The following CUL2 variants were observed in gnomAD, a reference collection of about 807,000 sequenced individuals.
CUL2 encodes cullin-2.
A neutral mutation model predicts 110.2 loss-of-function variants in CUL2; 22 were observed. The ratio of observed to expected loss-of-function variants is 0.20; its 90% confidence interval spans 0.14 to 0.28. The LOEUF is 0.28. CUL2 is among the 10% of genes least tolerant of loss of function. The pLI is 1.00. For synonymous variants in CUL2, 279 were observed against 293.2 expected (o/e 0.95, Z 0.49); for missense variants, 631 against 905.5 (o/e 0.70, Z 3.89).
At chr10:35,037,804 C>T (rs1564712092) in intron 9 of CUL2, among the ~76,000 whole-genome samples, 1 of 152,110 alleles carries the variant, frequency 6.6e-6, no homozygotes, top group African/African-American at 2.4e-5. Context: ...GATCGCGCCA[C>T]TGCATTATAG....
intron 5 of CUL2, 48 bp downstream of exon 5, chr10:35,054,386 T>G (rs2086192193): frequency 2.0e-6 from 2 of 993,504 alleles, no homozygotes; most frequent in Non-Finnish European, 3.0e-6. Flanking sequence ...ATTACCTCAG[T>G]GTATAAAAAC....
intron 1 of CUL2, among the ~76,000 whole-genome samples, chr10:35,117,885 G>T (rs112146515): frequency 3.3e-5 from 5 of 152,118 alleles, no homozygotes; most frequent in Non-Finnish European, 7.4e-5. Flanking sequence ...TTTCTTAATA[G>T]ACTTGATTTT....
chr10:35,036,800 C>G (rs903329077), intron 9 of CUL2, among the ~76,000 whole-genome samples: 1 of 152,056 alleles, frequency 6.6e-6, no homozygotes, highest in Admixed American at 6.6e-5. Flanking sequence ...GTGGCAGGAT[C>G]TCGGCTCACT....
chr10:35,062,754 G>A (rs555996368), intron 3 of CUL2, among the ~76,000 whole-genome samples: 111 of 151,692 alleles, frequency 7.3e-4, no homozygotes, highest in African/African-American at 1.9e-3. Context: ...GGAGGATCAC[G>A]TAAGCCAGGG....
At chr10:35,022,465 GAAGT>G (rs1564699945) in intron 17 of CUL2, among the ~76,000 whole-genome samples, 1 of 152,174 alleles carries the variant, frequency 6.6e-6, no homozygotes. Context: ...TGTTTAAGCA[GAAGT>G]AACAGGGGTT....
Position 35,008,572 on chromosome 10 carries a change from AATC to A in CUL2, c.*1736_*1738del, listed in dbSNP as rs2084817542. 1 of 152,252 alleles carries A rather than the reference AATC, an allele frequency of 6.6e-6. No homozygotes were observed. The allele number at this position is 152,252 out of a possible 1,614,324, so 9.4% of individuals were successfully genotyped here. On this transcript the variant is annotated 3_prime_UTR_variant, in exon 21 of 21. Transcript: ENST00000374749. ...GGAATCAATTTGGAAAACTTTTATC[AATC>A]AACAAGTTATCAAAACAAGGGTTTG... is the stretch of plus-strand genomic sequence containing the variant.
intron 1 of CUL2, among the ~76,000 whole-genome samples, chr10:35,122,131 T>C (rs985276163): frequency 6.6e-6 from 1 of 152,218 alleles, no homozygotes; most frequent in Non-Finnish European, 1.5e-5. Flanking sequence ...TGTTTTTACC[T>C]TTCTCATATA....
intron 1 of CUL2, among the ~76,000 whole-genome samples, chr10:35,076,166 G>A (rs1051623411): frequency 6.6e-6 from 1 of 151,926 alleles, no homozygotes; most frequent in Non-Finnish European, 1.5e-5. Flanking sequence ...GAATGAAGAG[G>A]GCCACAAAAT....
chr10:35,071,072 A>G, intron 2 of CUL2, 127 bp downstream of exon 2: 1 of 869,026 alleles, frequency 1.2e-6, no homozygotes, highest in South Asian at 1.8e-5. Context: ...TGAACTTGGA[A>G]ATGTAGATGA....
intron 19 of CUL2, 30 bp from the exon 20 acceptor site, chr10:35,011,994 C>T: frequency 1.5e-6 from 2 of 1,295,470 alleles, no homozygotes; most frequent in Non-Finnish European, 2.2e-6. Flanking sequence ...AAAAAAGACC[C>T]AACAAGACAT....
At chr10:35,109,034 A>G in intron 1 of CUL2, among the ~76,000 whole-genome samples, 1 of 152,112 alleles carries the variant, frequency 6.6e-6, no homozygotes, top group East Asian at 1.9e-4. Context: ...GCAGGATGGC[A>G]AAACTCTATC....
At chr10:35,105,640 A>G (rs1375617636) in intron 1 of CUL2, among the ~76,000 whole-genome samples, 2 of 146,380 alleles carry the variant, frequency 1.4e-5, no homozygotes, top group Non-Finnish European at 3.0e-5. Context: ...CCCGGGAGGC[A>G]GAGGTTGCAG....
At chr10:35,068,127 C>G (rs1203726536) in intron 2 of CUL2, among the ~76,000 whole-genome samples, 1 of 140,558 alleles carries the variant, frequency 7.1e-6, no homozygotes, top group Non-Finnish European at 1.5e-5. Flanking sequence ...AAAAAAAAAA[C>G]GAACCACAAA....
At chr10:35,049,867 T>A (rs2086054374) in intron 5 of CUL2, 102 bp from the exon 6 acceptor site, 2 of 682,202 alleles carry the variant, frequency 2.9e-6, no homozygotes, top group Admixed American at 5.9e-5. Flanking sequence ...AAAGAAGTAT[T>A]TATACTAATA....
chr10:35,051,319 A>G (rs2086102448), intron 5 of CUL2, among the ~76,000 whole-genome samples: 1 of 145,406 alleles, frequency 6.9e-6, no homozygotes, highest in Admixed American at 6.9e-5. Context: ...CGTCTCAAAA[A>G]AGAAAAAAAA....
At chr10:35,023,022 G>A (rs1352382065) in intron 17 of CUL2, among the ~76,000 whole-genome samples, 7 of 152,130 alleles carry the variant, frequency 4.6e-5, no homozygotes, top group Non-Finnish European at 2.9e-5. Context: ...CAGCCTGGGT[G>A]ACAGAGCAAG....
At chr10:35,068,771 T>TTAAG (rs1249673623) in intron 2 of CUL2, among the ~76,000 whole-genome samples, 7 of 152,206 alleles carry the variant, frequency 4.6e-5, no homozygotes, top group Non-Finnish European at 8.8e-5. Flanking sequence ...AAATTTCCAC[T>TTAAG]TAAGATATTA....
intron 17 of CUL2, among the ~76,000 whole-genome samples, chr10:35,024,753 A>G (rs2085294638): frequency 1.3e-5 from 2 of 152,222 alleles, no homozygotes; most frequent in African/African-American, 4.8e-5. Flanking sequence ...TCAAATGGTT[A>G]GGTCTCCTTA....
intron 16 of CUL2, among the ~76,000 whole-genome samples, chr10:35,027,110 A>G (rs1389072343): frequency 6.6e-6 from 1 of 151,666 alleles, no homozygotes; most frequent in African/African-American, 2.4e-5. Flanking sequence ...TACCTTTAAT[A>G]GATAGCTACA....
Sources: gnomAD v4.1 joint callset for allele counts (sites outside exome capture counted in the v4.1 genomes callset) on GRCh38, gnomAD v4.1.1 for gene constraint, MANE v1.5 for transcripts, NCBI Gene and HGNC (gene_info 2026-07-23, HGNC 2026-07-21) for gene names.